The following PIP4K2B variants were observed in gnomAD, a reference collection of about 807,000 sequenced individuals.
PIP4K2B encodes phosphatidylinositol 5-phosphate 4-kinase type-2 beta.
A neutral mutation model predicts 42.0 loss-of-function variants in PIP4K2B; 3 were observed. The ratio of observed to expected loss-of-function variants is 0.07; its 90% CI spans 0.03 to 0.18. The LOEUF (loss-of-function observed/expected upper bound fraction) is 0.18, where lower values mean the gene tolerates loss of function less well. Among genes scored for constraint, PIP4K2B ranks in the 10% least tolerant of loss-of-function variants. The pLI, the probability that PIP4K2B is intolerant of heterozygous loss-of-function variation, is 1.00. For missense variants in PIP4K2B, 332 were observed against 562.3 expected (o/e 0.59, Z 4.14); for synonymous variants, 204 against 210.1 (o/e 0.97, Z 0.25).
At chr17:38,779,274 T>C in intron 5 of PIP4K2B, 109 bp downstream of exon 5, 2 of 1,129,616 alleles carry the variant, frequency 1.8e-6, no homozygotes, top group Admixed American at 1.9e-5. Context: ...TCCCTGTCCA[T>C]GCCAACACAT....
chr17:38,782,972 G>T (rs1000611018), intron 3 of PIP4K2B, among the ~76,000 whole-genome samples: 2 of 151,936 alleles, frequency 1.3e-5, no homozygotes, highest in East Asian at 3.9e-4. Flanking sequence ...CAGATCACAA[G>T]GTCAGGAGAT....
intron 3 of PIP4K2B, among the ~76,000 whole-genome samples, chr17:38,781,783 C>T (rs890365359): frequency 6.6e-6 from 1 of 151,870 alleles, no homozygotes; most frequent in African/African-American, 2.4e-5. Flanking sequence ...TCCCAAAGTG[C>T]TAGGATTACA....
chr17:38,773,671 T>C (rs1246312360), intron 7 of PIP4K2B, among the ~76,000 whole-genome samples: 1 of 152,068 alleles, frequency 6.6e-6, no homozygotes, highest in Non-Finnish European at 1.5e-5. Context: ...AGCAGCTCTA[T>C]GCACGAGCCC....
chr17:38,785,679 AAAC>A (rs1353384780), intron 2 of PIP4K2B, among the ~76,000 whole-genome samples: 3 of 152,218 alleles, frequency 2.0e-5, no homozygotes, highest in African/African-American at 7.2e-5. Context: ...AACTGTCTCA[AAAC>A]AACACCAATA....
intron 1 of PIP4K2B, among the ~76,000 whole-genome samples, chr17:38,794,201 C>CG (rs150400505): frequency 1.1e-3 from 171 of 152,200 alleles, no homozygotes; most frequent in African/African-American, 4.0e-3. Flanking sequence ...CCTTGAGCAC[C>CG]TTACGCTGAG....
At chr17:38,779,862 T>G in intron 4 of PIP4K2B, 9 of 279,840 alleles carry the variant, frequency 3.2e-5, no homozygotes, top group East Asian at 6.5e-5. Flanking sequence ...CTTGCATCTC[T>G]TCTGCCAGCC....
Position 38,791,636 on chromosome 17 carries a change from C to G in PIP4K2B, c.160-4716G>C, listed in dbSNP as rs1457957329. On this transcript the variant is annotated intron_variant, in intron 1 of 9. Transcript: ENST00000619039. ...GTTGGCCAGGCTGGTCTCGAACTCC[C>G]GACCTTAGGAGATCCACCTGCCTCG... is the stretch of plus-strand genomic sequence containing the variant. Among the ~76,000 whole-genome samples the G allele has an allele frequency of 2.7e-5, 4 of 149,876 alleles. No individual in the cohort carries two copies. The East Asian group carries it at 8.1e-4, about 30-fold the overall frequency.
In PIP4K2B at chr17:38,768,151, G is replaced by C. The variant is rs1237844079; in HGVS notation, c.*1540C>G. 1 of 152,240 alleles carries C rather than the reference G, an allele frequency of 6.6e-6. No homozygotes were observed. Among genetic ancestry groups the C allele is most frequent in the Non-Finnish European group, 1.5e-5 (1 of 68,048 alleles). The allele number at this position is 152,240 out of a possible 1,614,324, so 9.4% of individuals were successfully genotyped here. On this transcript the variant is annotated 3_prime_UTR_variant, in exon 10 of 10. Coordinates refer to ENST00000619039, the MANE Select transcript of PIP4K2B (RefSeq NM_003559.5). The stretch of plus-strand genomic sequence containing the variant: ...CACAAGCGATCTTCACATCTTTGGG[G>C]TTATCTACAAGTCTGACCATATCTC...
At chr17:38,788,078 A>G (rs1433772613) in intron 1 of PIP4K2B, among the ~76,000 whole-genome samples, 1 of 152,348 alleles carries the variant, frequency 6.6e-6, no homozygotes, top group East Asian at 1.9e-4. Context: ...GAATATCTTC[A>G]TACAAATTGT....
chr17:38,770,520 C>T lies in PIP4K2B; in HGVS notation c.1086G>A (p.Val362=), dbSNP rs766701494. ...KSHESSPKKE[V]YFMAIIDILT... ...GGATATCAATGATGGCCATGAAATA[C>T]ACCTCCTTCTTGGGGGAACCTGGAG... is the stretch of plus-strand genomic sequence containing the variant. Residue 362 remains valine (V), a synonymous_variant, in exon 9 of 10, where the codon GTG becomes GTA. Coordinates refer to ENST00000619039, the MANE Select transcript of PIP4K2B (RefSeq NM_003559.5). The T allele has an allele frequency of 3.1e-6, 5 of 1,603,206 alleles. No individual in the cohort carries two copies. The highest frequency in any genetic ancestry group is 1.3e-5 in the African/African-American group (1 of 74,628).
At chr17:38,786,786 G>A in intron 2 of PIP4K2B, 37 bp downstream of exon 2, 2 of 1,321,148 alleles carry the variant, frequency 1.5e-6, no homozygotes, top group Non-Finnish European at 2.2e-6. Flanking sequence ...GGAAAGGACT[G>A]CCCACAAAAC....
At position 38,769,787 on chromosome 17, in the gene PIP4K2B, G is replaced by A. The variant is rs762598491; in HGVS notation, c.1171-16C>T. On this transcript the variant is annotated splice_polypyrimidine_tract_variant and intron_variant, in intron 9 of 9. Coordinates refer to ENST00000619039, the MANE Select transcript of PIP4K2B (RefSeq NM_003559.5). ...CGGCCCCTGCCTGTAATACACAAGAGGCTGATTCAGGTTGAGTTCCTGTGC... is the reference window on the plus strand; with the variant it reads ...CGGCCCCTGCCTGTAATACACAAGAAGCTGATTCAGGTTGAGTTCCTGTGC... The A allele has an allele frequency of 3.1e-6, 5 of 1,613,426 alleles. No homozygotes were observed. The highest frequency in any genetic ancestry group is 3.3e-5 in the Admixed American group (2 of 59,998).
intron 4 of PIP4K2B, 89 bp downstream of exon 4, chr17:38,780,363 G>T: frequency 8.2e-7 from 1 of 1,218,640 alleles, no homozygotes; most frequent in Non-Finnish European, 1.1e-6. Flanking sequence ...TACCAGAGAG[G>T]ACCAACCCCT....
At chr17:38,775,610 C>A (rs1598045110) in intron 7 of PIP4K2B, among the ~76,000 whole-genome samples, 2 of 152,100 alleles carry the variant, frequency 1.3e-5, no homozygotes, top group South Asian at 4.1e-4. Context: ...GTAATCCCAG[C>A]ACTCTGGGAG....
intron 5 of PIP4K2B, among the ~76,000 whole-genome samples, chr17:38,778,787 G>A (rs938086275): frequency 7.2e-5 from 11 of 152,204 alleles, no homozygotes; most frequent in African/African-American, 2.4e-4. Flanking sequence ...CCTGGAAGTA[G>A]TATTTGGGCT....
Position 38,799,535 on chromosome 17 carries a change from C to A in PIP4K2B, c.-111G>T. ...TCCCCACCCCCGCTCCCTCACCGCG[C>A]CATGGTCGCGCCCGTCCCGTTACCT... On this transcript the variant is annotated 5_prime_UTR_variant, in exon 1 of 10. Coordinates refer to ENST00000619039, the MANE Select transcript of PIP4K2B (RefSeq NM_003559.5). The surrounding 1 kb of genome is among the most constrained non-coding windows in gnomAD (Gnocchi z 4.4). 1.5e-6 allele frequency: 2 copies of A among 1,329,290 alleles called. No homozygotes were observed. The highest frequency in any genetic ancestry group is 3.8e-5 in the South Asian group (2 of 52,566). The allele number at this position is 1,329,290 out of a possible 1,614,324, so 82.3% of individuals were successfully genotyped here.
chr17:38,775,618 G>A (rs1280329283), intron 7 of PIP4K2B, among the ~76,000 whole-genome samples: 1 of 152,122 alleles, frequency 6.6e-6, no homozygotes, highest in Non-Finnish European at 1.5e-5. Context: ...AGCACTCTGG[G>A]AGGCCGAGGC....
At chr17:38,786,495 C>T (rs961652890) in intron 2 of PIP4K2B, among the ~76,000 whole-genome samples, 5 of 152,196 alleles carry the variant, frequency 3.3e-5, no homozygotes, top group African/African-American at 1.2e-4. Flanking sequence ...CAAGATGGGG[C>T]CACTGCTACA....
chr17:38,772,192 A>AT (rs886941861), intron 7 of PIP4K2B, among the ~76,000 whole-genome samples: 12 of 152,230 alleles, frequency 7.9e-5, no homozygotes, highest in Non-Finnish European at 1.5e-4. Context: ...TGGAACTAGG[A>AT]TTTCTTTAAA....
Sources: allele counts gnomAD v4.1 joint callset (sites outside exome capture counted in the v4.1 genomes callset), GRCh38; gene constraint gnomAD v4.1.1; non-coding constraint Gnocchi (gnomAD v3.1); transcripts MANE v1.5; gene names NCBI Gene and HGNC (gene_info 2026-07-23, HGNC 2026-07-21).